ROBO2: variants seen among roughly 807,000 people sequenced by gnomAD.
The protein encoded by ROBO2 is roundabout guidance receptor 2.
Under a neutral mutation model 160.8 loss-of-function variants are expected in ROBO2, and 53 were observed. The ratio of observed to expected loss-of-function variants is 0.33; its 90% CI spans 0.26 to 0.41. ROBO2 has a LOEUF of 0.41. Among genes scored for constraint, ROBO2 ranks in the 10% least tolerant of loss-of-function variants. The probability of loss-of-function intolerance (pLI) is 1.00; values close to 1 mark genes in which losing one functional copy is unlikely to be tolerated. For missense variants in ROBO2, 1,577 were observed against 1,722.4 expected, an observed-to-expected ratio of 0.92 and a Z score of 1.49; for synonymous variants, 664 against 611.7, an observed-to-expected ratio of 1.09 and a Z score of -1.26.
chr3:76,889,950 A>G (rs1052010076), intron 2 of ROBO2, among the ~76,000 whole-genome samples: 1 of 152,138 alleles, frequency 6.6e-6, no homozygotes, highest in African/African-American at 2.4e-5. Context: ...GGGCTATGCA[A>G]GAGACCTGAG....
intron 2 of ROBO2, among the ~76,000 whole-genome samples, chr3:76,231,045 C>T (rs1318526733): frequency 6.6e-6 from 1 of 152,094 alleles, no homozygotes; most frequent in African/African-American, 2.4e-5. Context: ...CGGAAAGAAT[C>T]AACACTCTCA....
intron 2 of ROBO2, among the ~76,000 whole-genome samples, chr3:76,467,500 G>A (rs554872240): frequency 1.4e-4 from 22 of 152,064 alleles, no homozygotes; most frequent in African/African-American, 5.1e-4. Context: ...ATTCTCCCTT[G>A]ATGTCAAGTC....
intron 1 of ROBO2, among the ~76,000 whole-genome samples, chr3:77,056,261 A>G (rs2065730893): frequency 6.6e-6 from 1 of 152,150 alleles, no homozygotes; most frequent in African/African-American, 2.4e-5. Context: ...TCCTTTCTTG[A>G]TCCATTTGTG....
chr3:77,471,625 A>G (rs2083357449), intron 2 of ROBO2, among the ~76,000 whole-genome samples: 1 of 152,230 alleles, frequency 6.6e-6, no homozygotes, highest in Non-Finnish European at 1.5e-5. Context: ...TCAATAACTT[A>G]GTCTGCTGAA....
At chr3:76,346,783 A>G (rs1419859560) in intron 2 of ROBO2, among the ~76,000 whole-genome samples, 1 of 152,190 alleles carries the variant, frequency 6.6e-6, no homozygotes, top group Non-Finnish European at 1.5e-5. Flanking sequence ...GCTTTCTCCC[A>G]TCTCTTCAGC....
chr3:76,940,008 G>A (rs1393875409), intron 2 of ROBO2, among the ~76,000 whole-genome samples: 1 of 127,230 alleles, frequency 7.9e-6, no homozygotes, highest in Non-Finnish European at 1.5e-5. Context: ...TTGAGACGGA[G>A]TCTCGCTGTG....
chr3:76,677,958 C>CTTTTTGTTTTTTTTT (rs2092454243), intron 2 of ROBO2, among the ~76,000 whole-genome samples: 1 of 29,394 alleles, frequency 3.4e-5, no homozygotes. Context: ...AGAAAATATG[C>CTTTTTGTTTTTTTTT]TTTTTTTTTT....
rs543420403 is a variant in ROBO2 at position 77,024,593 on chromosome 3, G to A, written c.110-73421G>A. ...TTTGTGGACTCTAACTATACTGAGG[G>A]AAATAACCAAGACCTGGGAGACCCG... On this transcript the variant is annotated intron_variant, in intron 2 of 26. Transcript: ENST00000487694. Among the ~76,000 whole-genome samples, 10 of 152,154 alleles carry A rather than the reference G, an allele frequency of 6.6e-5. 2 individuals are homozygous for A. In the South Asian group the frequency reaches 2.1e-3, roughly 31 times the overall value.
intron 2 of ROBO2, among the ~76,000 whole-genome samples, chr3:76,025,813 G>A (rs944744868): frequency 4.6e-5 from 7 of 151,728 alleles, no homozygotes; most frequent in African/African-American, 7.3e-5. Context: ...AGGAAGTAAG[G>A]CCTCTTTTTT....
chr3:76,710,549 T>C (rs535810254), intron 2 of ROBO2, among the ~76,000 whole-genome samples: 3 of 152,276 alleles, frequency 2.0e-5, no homozygotes, highest in Admixed American at 2.0e-4. Flanking sequence ...GAAAACTGCC[T>C]TTTGGATTTG....
chr3:77,161,898 A>G (rs1162892360), intron 2 of ROBO2, among the ~76,000 whole-genome samples: 6 of 152,062 alleles, frequency 3.9e-5, no homozygotes, highest in African/African-American at 1.4e-4. Flanking sequence ...GTAATCCTCA[A>G]ATTAATAACT....
chr3:77,447,922 T>C (rs1250712785), intron 2 of ROBO2, among the ~76,000 whole-genome samples: 2 of 152,118 alleles, frequency 1.3e-5, no homozygotes, highest in Non-Finnish European at 2.9e-5. Context: ...AGAAAAACTG[T>C]TGAATATAAA....
intron 2 of ROBO2, among the ~76,000 whole-genome samples, chr3:76,321,383 C>T (rs867619731): frequency 4.6e-5 from 7 of 151,914 alleles, no homozygotes; most frequent in South Asian, 4.1e-4. Context: ...GGCGTGGTGG[C>T]GCGCCACTGC....
chr3:76,514,547 T>C (rs141469317), intron 2 of ROBO2, among the ~76,000 whole-genome samples: 1,851 of 152,332 alleles, frequency 0.012, 33 homozygotes, highest in African/African-American at 0.041. Flanking sequence ...AGATATCAGA[T>C]AAAAATATTG....
chr3:77,480,572 G>T (rs974575250), intron 3 of ROBO2, among the ~76,000 whole-genome samples: 2 of 152,068 alleles, frequency 1.3e-5, no homozygotes, highest in African/African-American at 4.8e-5. Context: ...CAATTAAGAT[G>T]AAACAAAGAT....
chr3:76,227,265 C>CT (rs1412498846), intron 2 of ROBO2, among the ~76,000 whole-genome samples: 1 of 152,300 alleles, frequency 6.6e-6, no homozygotes, highest in East Asian at 1.9e-4. Flanking sequence ...TCTTAATGTT[C>CT]TGCCATTATT....
At chr3:77,242,189 T>C (rs2089145543) in intron 2 of ROBO2, among the ~76,000 whole-genome samples, 1 of 152,148 alleles carries the variant, frequency 6.6e-6, no homozygotes, top group Admixed American at 6.5e-5. Context: ...CATTTATATT[T>C]GTGTCAGGAA....
chr3:76,871,559 A>C (rs923278746), intron 2 of ROBO2, among the ~76,000 whole-genome samples: 1 of 143,198 alleles, frequency 7.0e-6, no homozygotes, highest in African/African-American at 2.5e-5. Flanking sequence ...GTCTCAAAAA[A>C]AGAAAAAAAA....
intron 2 of ROBO2, among the ~76,000 whole-genome samples, chr3:75,956,088 C>T (rs1431106134): frequency 4.0e-5 from 6 of 151,762 alleles, no homozygotes; most frequent in African/African-American, 1.4e-4. Context: ...TATGTTTAGA[C>T]TGCACAAGGG....
Sources: allele counts gnomAD v4.1 joint callset (sites outside exome capture counted in the v4.1 genomes callset), GRCh38; gene constraint gnomAD v4.1.1; transcripts MANE v1.5; gene names NCBI Gene and HGNC (gene_info 2026-07-23, HGNC 2026-07-21).